The following KSR2 variants were observed in gnomAD, a reference collection of about 807,000 sequenced individuals.
KSR2 encodes the protein kinase suppressor of ras 2.
Under a neutral mutation model 107.8 loss-of-function variants are expected in KSR2, and 25 were observed. The observed-to-expected ratio is 0.23, with a 90% CI of 0.17 to 0.32. The LOEUF (loss-of-function observed/expected upper bound fraction) is 0.32, where lower values mean the gene tolerates loss of function less well. KSR2 is among the 10% of genes least tolerant of loss of function. The pLI, the probability that KSR2 is intolerant of heterozygous loss-of-function variation, is 1.00. For missense variants in KSR2, 887 were observed against 1,268.9 expected (o/e 0.70, Z 4.57); for synonymous variants, 480 against 507.0 (o/e 0.95, Z 0.71).
chr12:117,950,749 A>AAATAATAATAATAATAAT (rs10700691), intron 1 of KSR2, among the ~76,000 whole-genome samples: 5 of 132,166 alleles, frequency 3.8e-5, no homozygotes, highest in East Asian at 4.3e-4. Flanking sequence ...AAAAAAAAAA[A>AAATAATAATAATAATAAT]AATAATAATA....
chr12:117,705,351 GT>G (rs1188972418), intron 4 of KSR2, among the ~76,000 whole-genome samples: 1 of 152,162 alleles, frequency 6.6e-6, no homozygotes. Flanking sequence ...CACTCTTCTG[GT>G]TATGCAGCAG....
At chr12:117,633,103 G>C (rs1258432088) in intron 5 of KSR2, among the ~76,000 whole-genome samples, 1 of 152,194 alleles carries the variant, frequency 6.6e-6, no homozygotes, top group Non-Finnish European at 1.5e-5. Context: ...CTTTTGCATG[G>C]CTACTGGAAA....
At chr12:117,724,327 A>AG (rs1173499204) in intron 4 of KSR2, among the ~76,000 whole-genome samples, 2 of 151,722 alleles carry the variant, frequency 1.3e-5, no homozygotes, top group Non-Finnish European at 1.5e-5. Context: ...AAAAAAAAAA[A>AG]AAAGAAAAAT....
At position 117,454,123 on chromosome 12, in the gene KSR2, T is replaced by C. The variant is rs1165539607; in HGVS notation, c.*13076A>G. 6.6e-6 allele frequency: 1 copy of C among 152,182 alleles called. No individual in the cohort carries two copies. The highest frequency in any genetic ancestry group is 2.4e-5 in the African/African-American group (1 of 41,436). The allele number at this position is 152,182 out of a possible 1,614,324, so 9.4% of individuals were successfully genotyped here. On this transcript the variant is annotated 3_prime_UTR_variant, in exon 20 of 20. Transcript: ENST00000339824. ...TTCTGGGGGAGGTTCATTTGGGTGA[T>C]TGAGAAGAAAAGCCACATTGATGAA...
At chr12:117,557,868 G>C (rs972140756) in intron 8 of KSR2, among the ~76,000 whole-genome samples, 7 of 152,146 alleles carry the variant, frequency 4.6e-5, no homozygotes, top group Non-Finnish European at 8.8e-5. Flanking sequence ...CACTACAAAA[G>C]TTCCCAAGGC....
chr12:117,835,584 G>A lies in KSR2; in HGVS notation c.472+19844C>T, dbSNP rs142428884. On this transcript the variant is annotated intron_variant, in intron 3 of 19. Transcript: ENST00000339824. ...ACCAAAGCGGCTATGTTCCTGGAGC[G>A]CTTAGGATCAGTCAAGCCAGTGGCT... 2.5e-3 allele frequency among the ~76,000 whole-genome samples: 374 copies of A among 152,168 alleles called. 1 individual carries two copies. Among genetic ancestry groups the A allele is most frequent in the Non-Finnish European group, 4.5e-3 (303 of 68,012 alleles).
chr12:117,698,537 G>A (rs1188371648), intron 4 of KSR2, among the ~76,000 whole-genome samples: 12 of 151,874 alleles, frequency 7.9e-5, no homozygotes, highest in Non-Finnish European at 1.8e-4. Flanking sequence ...TGTTGCCCAG[G>A]CTGGTCTCAA....
At position 117,466,979 on chromosome 12, in the gene KSR2, G is replaced by A. The variant is rs61491317; in HGVS notation, c.*220C>T. On this transcript the variant is annotated 3_prime_UTR_variant, in exon 20 of 20. Transcript: ENST00000339824. ...AATAACGCATCACCCTGGCTGGTCC[G>A]GTTCAGTCCTAGCTCGGGGGTCCCC... is the stretch of plus-strand genomic sequence containing the variant. 7.0e-3 allele frequency: 3,211 copies of A among 460,050 alleles called. 110 individuals are homozygous for A. The highest frequency in any genetic ancestry group is 0.059 in the African/African-American group (2,919 of 49,242). 28.5% of individuals were successfully genotyped at this position (460,050 alleles called of 1,614,324 possible).
At chr12:117,847,225 A>G (rs1892737598) in intron 3 of KSR2, among the ~76,000 whole-genome samples, 1 of 152,206 alleles carries the variant, frequency 6.6e-6, no homozygotes, top group African/African-American at 2.4e-5. Context: ...CAATAGGGCA[A>G]TCAAGACCCA....
intron 1 of KSR2, among the ~76,000 whole-genome samples, chr12:117,944,456 C>T (rs773345231): frequency 7.2e-5 from 11 of 152,048 alleles, no homozygotes; most frequent in Non-Finnish European, 1.5e-4. Flanking sequence ...CCACATATTG[C>T]ATGATTTCAT....
chr12:117,889,993 G>T (rs1644212610), intron 1 of KSR2, among the ~76,000 whole-genome samples: 1 of 152,134 alleles, frequency 6.6e-6, no homozygotes, highest in African/African-American at 2.4e-5. Context: ...AGCCTTGGAG[G>T]GCTTGTGAAA....
At chr12:117,575,394 T>A (rs1879220578) in intron 7 of KSR2, among the ~76,000 whole-genome samples, 1 of 152,238 alleles carries the variant, frequency 6.6e-6, no homozygotes, top group Non-Finnish European at 1.5e-5. Flanking sequence ...ACTTTCATTT[T>A]ATTGACATTC....
chr12:117,529,507 C>T (rs371665123), intron 12 of KSR2, among the ~76,000 whole-genome samples: 6 of 151,794 alleles, frequency 4.0e-5, no homozygotes, highest in Non-Finnish European at 5.9e-5. Context: ...TGAGCCACTG[C>T]GCCTGGCCAA....
chr12:117,590,795 C>CA (rs1404310715), intron 5 of KSR2, among the ~76,000 whole-genome samples: 1 of 152,098 alleles, frequency 6.6e-6, no homozygotes. Flanking sequence ...GTCCACCAAA[C>CA]AAAAAATAAT....
chr12:117,620,027 C>T (rs1182429906), intron 5 of KSR2, among the ~76,000 whole-genome samples: 6 of 152,106 alleles, frequency 3.9e-5, no homozygotes, highest in East Asian at 1.9e-4. Context: ...TTCAAACAAA[C>T]GAAACCCTAC....
intron 10 of KSR2, chr12:117,539,504 G>A (rs968512243): frequency 4.0e-6 from 2 of 494,930 alleles, no homozygotes; most frequent in Non-Finnish European, 7.0e-6. Context: ...TGCTTACCTT[G>A]TGGCTGTTCC....
intron 5 of KSR2, among the ~76,000 whole-genome samples, chr12:117,594,245 G>C (rs1208905039): frequency 6.6e-6 from 1 of 152,174 alleles, no homozygotes; most frequent in Non-Finnish European, 1.5e-5. Context: ...TTTACTGCCT[G>C]GATGGACTGC....
At chr12:117,593,920 C>T (rs1016987231) in intron 5 of KSR2, among the ~76,000 whole-genome samples, 6 of 152,220 alleles carry the variant, frequency 3.9e-5, no homozygotes, top group Non-Finnish European at 8.8e-5. Flanking sequence ...TGTCTAGGTC[C>T]TTCTGACCAT....
intron 16 of KSR2, among the ~76,000 whole-genome samples, chr12:117,481,115 A>G (rs1872151147): frequency 6.6e-6 from 1 of 152,112 alleles, no homozygotes; most frequent in African/African-American, 2.4e-5. Flanking sequence ...CCACATCTCT[A>G]TCCCATTTAA....
Sources: gnomAD v4.1 joint callset for allele counts (sites outside exome capture counted in the v4.1 genomes callset) on GRCh38, gnomAD v4.1.1 for gene constraint, MANE v1.5 for transcripts, NCBI Gene and HGNC (gene_info 2026-07-23, HGNC 2026-07-21) for gene names.